The following MAML2 variants were observed in gnomAD, a reference collection of about 807,000 sequenced individuals.
MAML2 encodes the protein mastermind like transcriptional coactivator 2.
Under a neutral mutation model 96.1 loss-of-function variants are expected in MAML2, and 22 were observed. That is an observed-to-expected ratio of 0.23 (90% CI 0.16 to 0.33). MAML2 has a LOEUF of 0.33. Among genes scored for constraint, MAML2 ranks in the 10% least tolerant of loss-of-function variants. MAML2 has a pLI of 1.00. For synonymous variants in MAML2, 561 were observed against 521.3 expected (o/e 1.08, Z -1.04); for missense variants, 1,367 against 1,392.4 (o/e 0.98, Z 0.29).
intron 2 of MAML2, among the ~76,000 whole-genome samples, chr11:96,072,876 G>T (rs566585811): frequency 2.6e-5 from 4 of 152,234 alleles, no homozygotes; most frequent in African/African-American, 9.6e-5. Flanking sequence ...TTTGTCACCC[G>T]CTTACATGTG....
chr11:96,341,539 T>C lies in MAML2; in HGVS notation c.357A>G (p.Ala119=), dbSNP rs1459812439. Residue 119 remains alanine (A), a synonymous_variant, in exon 1 of 5, where the codon GCA becomes GCG. Transcript: ENST00000524717. ...PAAPPAASQA[A]ATAAPPPPPD... ...GTGGGGGCGGTGGGGCTGCTGTTGC[T>C]GCTGCTTGGGAGGCCGCAGGAGGGG... 2 of 1,548,932 alleles carry C rather than the reference T, an allele frequency of 1.3e-6. No homozygotes were observed. The highest frequency in any genetic ancestry group is 1.4e-5 in the African/African-American group (1 of 72,234).
intron 1 of MAML2, among the ~76,000 whole-genome samples, chr11:96,304,960 T>A (rs1863443814): frequency 6.6e-6 from 1 of 152,242 alleles, no homozygotes; most frequent in African/African-American, 2.4e-5. Flanking sequence ...TGACTGAGAA[T>A]AACATTCTGA....
At chr11:96,009,284 C>T (rs1049125491) in intron 2 of MAML2, among the ~76,000 whole-genome samples, 7 of 152,130 alleles carry the variant, frequency 4.6e-5, no homozygotes, top group Non-Finnish European at 1.0e-4. Flanking sequence ...TATTTTCTCA[C>T]GTATTTTCTT....
chr11:96,260,624 A>G (rs1324603458), intron 1 of MAML2, among the ~76,000 whole-genome samples: 2 of 152,188 alleles, frequency 1.3e-5, no homozygotes, highest in Non-Finnish European at 2.9e-5. Context: ...AGAGAAAGGC[A>G]TAGAGAATCA....
chr11:96,007,831 T>A (rs961741803), intron 2 of MAML2, among the ~76,000 whole-genome samples: 60 of 130,794 alleles, frequency 4.6e-4, no homozygotes, highest in African/African-American at 1.7e-3. Context: ...AACAATGAGA[T>A]CACATGGTCA....
intron 1 of MAML2, among the ~76,000 whole-genome samples, chr11:96,232,693 G>T (rs952645276): frequency 2.0e-5 from 3 of 152,104 alleles, no homozygotes. Context: ...GGACGGTCTC[G>T]ATCTCCTGAC....
chr11:96,223,491 G>A (rs542445023), intron 1 of MAML2, among the ~76,000 whole-genome samples: 3 of 152,074 alleles, frequency 2.0e-5, no homozygotes, highest in African/African-American at 7.2e-5. Context: ...GCTTTCATTT[G>A]TCTTGCCCTG....
rs1416039646 is a variant in MAML2 at position 96,100,734 on chromosome 11, GCTTTTTTTTTTTT to G, written c.514-7230_514-7218del. Among the ~76,000 whole-genome samples the G allele has an allele frequency of 8.7e-3, 958 of 109,560 alleles. 13 individuals are homozygous for G. The highest frequency in any genetic ancestry group is 0.026 in the African/African-American group (893 of 34,714). The allele number at this position is 109,560 out of a possible 152,430, so 71.9% of individuals were successfully genotyped here. On this transcript the variant is annotated intron_variant, in intron 1 of 4. Transcript: ENST00000524717. ...AAATGTTACTAGTTTAGTCAAAATA[GCTTTTTTTTTTTT>G]CTTTTTTTTTTTTTCTGAAACAGGA... is the stretch of plus-strand genomic sequence containing the variant.
intron 1 of MAML2, among the ~76,000 whole-genome samples, chr11:96,114,327 A>G (rs1419167536): frequency 6.6e-6 from 1 of 152,028 alleles, no homozygotes; most frequent in Non-Finnish European, 1.5e-5. Flanking sequence ...TCTTGGTGAG[A>G]AATCAGTCTA....
intron 1 of MAML2, among the ~76,000 whole-genome samples, chr11:96,205,355 C>A (rs1861881062): frequency 6.6e-6 from 1 of 152,198 alleles, no homozygotes; most frequent in Non-Finnish European, 1.5e-5. Context: ...ATTGCAGATG[C>A]TCTATACTTG....
chr11:96,191,019 C>A (rs1008002238), intron 1 of MAML2, among the ~76,000 whole-genome samples: 1 of 152,090 alleles, frequency 6.6e-6, no homozygotes, highest in African/African-American at 2.4e-5. Context: ...GTTTTGTGTA[C>A]CCCCTTTTAG....
intron 1 of MAML2, among the ~76,000 whole-genome samples, chr11:96,144,379 C>G (rs1007605699): frequency 2.6e-5 from 4 of 152,152 alleles, no homozygotes; most frequent in African/African-American, 9.7e-5. Context: ...ATGGTTAAAT[C>G]TTCCAGTAAG....
intron 2 of MAML2, among the ~76,000 whole-genome samples, chr11:96,044,272 C>A (rs1858861667): frequency 6.6e-6 from 1 of 152,170 alleles, no homozygotes; most frequent in South Asian, 2.1e-4. Context: ...AGCAGTTTTT[C>A]ACATGGTTGC....
At chr11:96,328,141 A>T (rs1020709891) in intron 1 of MAML2, among the ~76,000 whole-genome samples, 3 of 152,278 alleles carry the variant, frequency 2.0e-5, no homozygotes, top group Admixed American at 1.3e-4. Flanking sequence ...GTGTGTGTGC[A>T]TGTGTGTATA....
chr11:95,992,848 A>C (rs1055385810), intron 2 of MAML2, among the ~76,000 whole-genome samples: 3 of 151,738 alleles, frequency 2.0e-5, no homozygotes, highest in Admixed American at 2.0e-4. Flanking sequence ...TTTGGGAAAC[A>C]CTGAATACAT....
At chr11:96,121,950 C>CTTTTTTTTTT (rs71040130) in intron 1 of MAML2, among the ~76,000 whole-genome samples, 18 of 56,850 alleles carry the variant, frequency 3.2e-4, no homozygotes, top group Middle Eastern at 0.019. Context: ...CCACGCCCGG[C>CTTTTTTTTTT]TTTTTTTTTT....
chr11:96,232,234 C>G (rs17240464), intron 1 of MAML2, among the ~76,000 whole-genome samples: 1 of 152,234 alleles, frequency 6.6e-6, no homozygotes, highest in East Asian at 1.9e-4. Flanking sequence ...TTTCTTCAAA[C>G]GGCTGCACAG....
At chr11:96,149,587 C>T (rs1022242335) in intron 1 of MAML2, among the ~76,000 whole-genome samples, 1 of 151,822 alleles carries the variant, frequency 6.6e-6, no homozygotes, top group Admixed American at 6.6e-5. Context: ...CAAGAATTAG[C>T]CGGGCATGGT....
intron 1 of MAML2, among the ~76,000 whole-genome samples, chr11:96,146,770 T>C (rs1400367426): frequency 6.6e-6 from 1 of 152,226 alleles, no homozygotes; most frequent in Non-Finnish European, 1.5e-5. Context: ...TATTGACAGT[T>C]GTTCATTTGG....
Sources: allele counts gnomAD v4.1 joint callset (sites outside exome capture counted in the v4.1 genomes callset), GRCh38; gene constraint gnomAD v4.1.1; transcripts MANE v1.5; gene names NCBI Gene and HGNC (gene_info 2026-07-23, HGNC 2026-07-21).